NBAS: variants seen among roughly 807,000 people sequenced by gnomAD.
NBAS encodes NAG/BC035112 fusion.
Under a neutral mutation model 302.5 loss-of-function variants are expected in NBAS, and 219 were observed. The ratio of observed to expected loss-of-function variants is 0.72; its 90% CI spans 0.65 to 0.81. The LOEUF (loss-of-function observed/expected upper bound fraction) is 0.81. NBAS is among the 30% of genes least tolerant of loss of function. The probability of loss-of-function intolerance (pLI) is 0.00; values close to 1 mark genes in which losing one functional copy is unlikely to be tolerated. For synonymous variants in NBAS, 1,118 were observed against 1,021.6 expected, an observed-to-expected ratio of 1.09 and a Z score of -1.80; for missense variants, 2,932 against 2,841.6, an observed-to-expected ratio of 1.03 and a Z score of -0.72.
chr2:14,933,062 G>A, the NBAS span, among the ~76,000 whole-genome samples: 1 of 152,204 alleles, frequency 6.6e-6, no homozygotes, highest in Non-Finnish European at 1.5e-5. Context: ...TGTGAAAGCT[G>A]CAGAAGTTTT....
chr2:15,106,554 G>A, the NBAS span, among the ~76,000 whole-genome samples: 55 of 151,810 alleles, frequency 3.6e-4, no homozygotes, highest in African/African-American at 1.3e-3. Flanking sequence ...CAAGGATGAA[G>A]TTCAAACTCC....
intron 42 of NBAS, among the ~76,000 whole-genome samples, chr2:15,279,705 GACAGAT>G (rs1209245763): frequency 1.3e-5 from 2 of 152,068 alleles, no homozygotes; most frequent in Non-Finnish European, 2.9e-5. Flanking sequence ...ATCTTGTCAA[GACAGAT>G]ACTGGAATAC....
chr2:15,269,441 A>G (rs735447), intron 44 of NBAS, among the ~76,000 whole-genome samples: 31,013 of 152,056 alleles, frequency 0.2, 3,375 homozygotes, highest in Middle Eastern at 0.36. Context: ...TTTTGCTTAC[A>G]TTTTCTTCCA....
chr2:14,801,559 TGAATATATG>T, the NBAS span, among the ~76,000 whole-genome samples: 1 of 152,258 alleles, frequency 6.6e-6, no homozygotes, highest in African/African-American at 2.4e-5. Flanking sequence ...TTTGGCTCCT[TGAATATATG>T]GAATAAAATT....
At chr2:15,193,391 T>C (rs1157887359) in intron 48 of NBAS, among the ~76,000 whole-genome samples, 1 of 152,192 alleles carries the variant, frequency 6.6e-6, no homozygotes, top group East Asian at 1.9e-4. Context: ...CTGCAAGCTT[T>C]ACCTTCTATG....
chr2:14,786,845 G>A, the NBAS span, among the ~76,000 whole-genome samples: 2 of 152,108 alleles, frequency 1.3e-5, no homozygotes, highest in African/African-American at 4.8e-5. Flanking sequence ...GGTCCGCTTG[G>A]TGCAGAGCTG....
chr2:15,339,642 T>C (rs1048280164), intron 35 of NBAS, among the ~76,000 whole-genome samples: 8 of 140,502 alleles, frequency 5.7e-5, no homozygotes, highest in Admixed American at 5.5e-4. Context: ...ACAAAGCATG[T>C]CAGAAAAGCA....
chr2:14,916,307 C>T, the NBAS span, among the ~76,000 whole-genome samples: 1 of 152,262 alleles, frequency 6.6e-6, no homozygotes, highest in East Asian at 1.9e-4. Context: ...CCATCTATCA[C>T]CAACATTCTA....
the NBAS span, among the ~76,000 whole-genome samples, chr2:15,024,776 T>A: frequency 1.3e-5 from 2 of 152,222 alleles, no homozygotes; most frequent in South Asian, 4.1e-4. Flanking sequence ...TTTTGAAAAG[T>A]GTCTGTTCAT....
At chr2:15,515,232 C>T (rs1044581087) in intron 9 of NBAS, among the ~76,000 whole-genome samples, 1 of 106,542 alleles carries the variant, frequency 9.4e-6, no homozygotes, top group Non-Finnish European at 2.1e-5. Context: ...AGCTCACTCT[C>T]TAAAACAGAA....
At chr2:14,854,761 T>C in the NBAS span, among the ~76,000 whole-genome samples, 1 of 152,078 alleles carries the variant, frequency 6.6e-6, no homozygotes, top group East Asian at 1.9e-4. Context: ...ATCCCAGCTG[T>C]TAAAACTTGA....
the NBAS span, among the ~76,000 whole-genome samples, chr2:14,780,519 T>C: frequency 6.6e-6 from 1 of 152,242 alleles, no homozygotes; most frequent in Non-Finnish European, 1.5e-5. Flanking sequence ...TAAAAGTTCT[T>C]TTAAAAGTCA....
At chr2:15,164,417 G>T (rs1663966997), downstream of NBAS, among the ~76,000 whole-genome samples, 1 of 152,192 alleles carries the variant, frequency 6.6e-6, no homozygotes, top group South Asian at 2.1e-4. Flanking sequence ...ATTGAGAAAA[G>T]TACTTATTAA....
intron 31 of NBAS, among the ~76,000 whole-genome samples, chr2:15,367,431 T>C (rs751883401): frequency 2.6e-5 from 4 of 152,142 alleles, no homozygotes; most frequent in Non-Finnish European, 4.4e-5. Flanking sequence ...TAATAGCAAC[T>C]GATGTGAAAG....
At chr2:14,948,770 C>T in the NBAS span, among the ~76,000 whole-genome samples, 2 of 151,984 alleles carry the variant, frequency 1.3e-5, no homozygotes, top group East Asian at 1.9e-4. Flanking sequence ...CCACAAGACT[C>T]GGAATAGCCC....
chr2:15,160,177 C>T, the NBAS span, among the ~76,000 whole-genome samples: 2 of 152,038 alleles, frequency 1.3e-5, no homozygotes. Flanking sequence ...CTGGTGATTG[C>T]AGGGAGGAGA....
intron 48 of NBAS, among the ~76,000 whole-genome samples, chr2:15,212,665 AACTGAAGCATGGGGG>A (rs752645877): frequency 1.1e-4 from 17 of 152,128 alleles, no homozygotes; most frequent in Non-Finnish European, 2.2e-4. Flanking sequence ...GGTGGGAGGT[AACTGAAGCATGGGGG>A]GAGTTTCCCC....
chr2:15,315,310 TGTGGCAATATTA>T (rs1182126984), intron 38 of NBAS, among the ~76,000 whole-genome samples: 1 of 152,168 alleles, frequency 6.6e-6, no homozygotes, highest in Non-Finnish European at 1.5e-5. Context: ...GTACAGTAAA[TGTGGCAATATTA>T]ACTGGAGGGT....
intron 2 of NBAS, 30 bp from the exon 3 acceptor site, chr2:15,556,849 TATA>T (rs1558437099): frequency 6.4e-7 from 1 of 1,550,564 alleles, no homozygotes; most frequent in Middle Eastern, 1.7e-4. Context: ...CAAAGCCAAA[TATA>T]AATCAGCTGT....
Sources: gnomAD v4.1 joint callset for allele counts (sites outside exome capture counted in the v4.1 genomes callset) on GRCh38, gnomAD v4.1.1 for gene constraint, MANE v1.5 for transcripts, NCBI Gene and HGNC (gene_info 2026-07-23, HGNC 2026-07-21) for gene names.